The following FBF1 variants were observed in gnomAD, a reference collection of about 807,000 sequenced individuals.
The protein encoded by FBF1 is fas-binding factor 1.
FBF1 carries 119 observed loss-of-function variants against 147.2 expected under a neutral mutation model. The ratio of observed to expected loss-of-function variants is 0.81; its 90% confidence interval spans 0.70 to 0.94. The LOEUF is 0.94. Ranked by LOEUF, FBF1 falls within the 40% of genes least tolerant of loss-of-function variation. The pLI, the probability that FBF1 is intolerant of heterozygous loss-of-function variation, is 0.00. For missense variants in FBF1, 1,449 were observed against 1,500.8 expected, an observed-to-expected ratio of 0.97 and a Z score of 0.57; for synonymous variants, 601 against 609.0, an observed-to-expected ratio of 0.99 and a Z score of 0.19.
At chr17:75,932,925 G>A (rs559600279) in intron 5 of FBF1, 70 bp downstream of exon 5, 5 of 1,007,046 alleles carry the variant, frequency 5.0e-6, no homozygotes, top group African/African-American at 3.3e-5. Flanking sequence ...AGTAGAAAGT[G>A]GGGGGTGGAG....
In FBF1 at chr17:75,918,869, C is replaced by G. The variant is rs1255589660; in HGVS notation, c.2139-600G>C. Among the ~76,000 whole-genome samples the G allele has an allele frequency of 4.0e-5, 6 of 150,920 alleles. No homozygotes were observed. Among genetic ancestry groups the G allele is most frequent in the Admixed American group, 6.6e-5 (1 of 15,072 alleles). On this transcript the variant is annotated intron_variant, in intron 20 of 29. Transcript: ENST00000636174. The surrounding 1 kb of genome is among the most constrained non-coding windows in gnomAD (Gnocchi z 5.8). ...TGTTGCCCAGGCTGGTCTTGAACTC[C>G]TAGCCTCAAGCAATCCTCCTGCCTT...
Position 75,910,683 on chromosome 17 carries a change from G to T in FBF1, c.*40C>A. 1 of 1,562,610 alleles carries T rather than the reference G, an allele frequency of 6.4e-7. No homozygotes were observed. The highest frequency in any genetic ancestry group is 8.7e-7 in the Non-Finnish European group (1 of 1,147,230). ...CAGCCGGAGGAACAGGACAGTTCTG[G>T]GGTCCGAACCCTCTGTTGGGGAATC... On this transcript the variant is annotated 3_prime_UTR_variant, in exon 30 of 30. Transcript: ENST00000636174. This position sits in a 1 kb window ranked among gnomAD's most constrained non-coding sequence, Gnocchi z 4.1.
intron 1 of FBF1, among the ~76,000 whole-genome samples, chr17:75,940,243 C>A (rs1266452878): frequency 7.2e-6 from 1 of 139,298 alleles, no homozygotes; most frequent in Non-Finnish European, 1.6e-5. Flanking sequence ...GCCTGGCCTT[C>A]TTTCTTTTTT....
rs1342519843 is a variant in FBF1 at position 75,938,129 on chromosome 17, A to C, written c.3+18T>G. On this transcript the variant is annotated intron_variant, in intron 2 of 29. Transcript: ENST00000636174. ...GGCATGTTCGCTTTCCATGCATCTTACTCTGAACTCTGCCTACCATCTCAC... is the reference window on the plus strand; with the variant it reads ...GGCATGTTCGCTTTCCATGCATCTTCCTCTGAACTCTGCCTACCATCTCAC... 5.6e-6 allele frequency: 9 copies of C among 1,611,018 alleles called. No homozygotes were observed. Among genetic ancestry groups the C allele is most frequent in the Non-Finnish European group, 5.9e-6 (7 of 1,179,328 alleles).
chr17:75,924,281 G>A (rs181998558), intron 13 of FBF1, among the ~76,000 whole-genome samples: 2 of 152,254 alleles, frequency 1.3e-5, no homozygotes, highest in African/African-American at 4.8e-5. Context: ...TCATTTGTTC[G>A]GCCGTGGCCT....
chr17:75,920,085 C>G lies in FBF1; in HGVS notation c.1853G>C (p.Arg618Pro). 6.3e-7 allele frequency: 1 copy of G among 1,587,874 alleles called. No individual in the cohort carries two copies. Among genetic ancestry groups the G allele is most frequent in the Non-Finnish European group, 8.6e-7 (1 of 1,167,876 alleles). Residue 618 changes from arginine to proline, a missense_variant, in exon 19 of 30, where the codon CGG becomes CCG. Transcript: ENST00000636174. Reference protein sequence around the residue: ...EAQVRKLELERAQHELLLGSL... With the variant: ...EAQVRKLELEPAQHELLLGSL... ...CCCCAGCAGCAGCTCATGCTGGGCCCGTTCTAGCTCCAGCTTCCGCACCTG... is the reference window on the plus strand; with the variant it reads ...CCCCAGCAGCAGCTCATGCTGGGCCGGTTCTAGCTCCAGCTTCCGCACCTG...
chr17:75,937,958 A>C, intron 2 of FBF1, 189 bp downstream of exon 2: 1 of 790,132 alleles, frequency 1.3e-6, no homozygotes, highest in South Asian at 1.7e-5. Flanking sequence ...CTGGACACTC[A>C]GAGTCTCAGA....
chr17:75,938,197 C>T lies in FBF1; in HGVS notation c.-48G>A, dbSNP rs1362509087. On this transcript the variant is annotated 5_prime_UTR_variant, in exon 2 of 30. Coordinates refer to ENST00000636174, the MANE Select transcript of FBF1 (RefSeq NM_001319193.2). Reference sequence around the variant, plus strand: ...TCAGCTCCTTCACAGCACTGGCCAGCTCATCTGGATTCTGCCCACATCAGG... The same window carrying T: ...TCAGCTCCTTCACAGCACTGGCCAGTTCATCTGGATTCTGCCCACATCAGG... The T allele has an allele frequency of 6.2e-7, 1 of 1,613,144 alleles. No individual in the cohort carries two copies. Among genetic ancestry groups the T allele is most frequent in the East Asian group, 2.2e-5 (1 of 44,874 alleles).
chr17:75,930,472 C>G (rs1447460257), intron 6 of FBF1, among the ~76,000 whole-genome samples: 1 of 152,172 alleles, frequency 6.6e-6, no homozygotes, highest in Non-Finnish European at 1.5e-5. Flanking sequence ...CTCGGCAGCC[C>G]TTGGGCATTA....
intron 7 of FBF1, 52 bp downstream of exon 7, chr17:75,929,945 A>AGGGGGGCCCCCCCCC: frequency 4.6e-6 from 3 of 650,882 alleles, no homozygotes; most frequent in Non-Finnish European, 5.6e-6. Context: ...AAATATCATG[A>AGGGGGGCCCCCCCCC]CCCCACCCCA....
At chr17:75,927,565 G>A (rs534308955) in intron 8 of FBF1, 33 bp from the exon 9 acceptor site, 2 of 1,567,254 alleles carry the variant, frequency 1.3e-6, no homozygotes, top group African/African-American at 2.7e-5. Flanking sequence ...TCATGGGCCT[G>A]AGTCTCTCCT....
chr17:75,925,116 C>T lies in FBF1; in HGVS notation c.968+231G>A, dbSNP rs2065551821. Among the ~76,000 whole-genome samples, 1 of 152,222 alleles carries T rather than the reference C, an allele frequency of 6.6e-6. No homozygotes were observed. Among genetic ancestry groups the T allele is most frequent in the Non-Finnish European group, 1.5e-5 (1 of 68,042 alleles). Reference sequence around the variant, plus strand: ...GAGGCTGGGTGGGGCACTGGCGAACCTGAGCAGCGTCTGGGATGGGGGTTC... The same window carrying T: ...GAGGCTGGGTGGGGCACTGGCGAACTTGAGCAGCGTCTGGGATGGGGGTTC... On this transcript the variant is annotated intron_variant, in intron 13 of 29. Transcript: ENST00000636174. This position sits in a 1 kb window ranked among gnomAD's most constrained non-coding sequence, Gnocchi z 5.0.
Position 75,926,836 on chromosome 17 carries a change from C to G in FBF1, c.517G>C (p.Gly173Arg), listed in dbSNP as rs1448000854. ...ACAGGCGGCTGCTTGGTGATTCCTC[C>G]TTCATCATAGGAGAGAAGTCCTCTC... ...PLRGLLSYDE[G>R]GITKQPPVTQ... The change falls in exon 10 of 30, where the codon GGA becomes CGA. Residue 173 changes from glycine (G) to arginine (R), a missense_variant. By Grantham distance (125) the Gly-to-Arg change is moderately radical. Transcript: ENST00000636174. 1 of 1,613,662 alleles carries G rather than the reference C, an allele frequency of 6.2e-7. No homozygotes were observed. The highest frequency in any genetic ancestry group is 8.5e-7 in the Non-Finnish European group (1 of 1,179,768).
rs1348743204 is a variant in FBF1 at position 75,923,680 on chromosome 17, G to A, written c.969-39C>T. The A allele has an allele frequency of 2.6e-6, 4 of 1,522,094 alleles. No homozygotes were observed. In the African/African-American group the frequency reaches 5.5e-5, roughly 21 times the overall value. The allele number at this position is 1,522,094 out of a possible 1,614,324, so 94.3% of individuals were successfully genotyped here. Reference sequence around the variant, plus strand: ...AGGAGGGTGTCAGGCAGGGGAAACAGCCAGTCCCAGTGGCCCCCTAGCAGC... The same window carrying A: ...AGGAGGGTGTCAGGCAGGGGAAACAACCAGTCCCAGTGGCCCCCTAGCAGC... On this transcript the variant is annotated intron_variant, in intron 13 of 29. Transcript: ENST00000636174. This position sits in a 1 kb window ranked among gnomAD's most constrained non-coding sequence, Gnocchi z 4.1.
rs765060227 is a variant in FBF1 at position 75,921,992 on chromosome 17, A to C, written c.1479T>G (p.Ser493=). Residue 493 remains serine, a synonymous_variant, in exon 15 of 30, where the codon TCT becomes TCG. Transcript: ENST00000636174. ...GLEHAAAGGS[S]GTTARERPCV... is the part of the protein sequence containing the mutation. ...ACGGTCTTTCTCGTGCAGTTGTTCCAGAACTCCCTCCAGCAGCTGCGTGCT... is the reference window on the plus strand; with the variant it reads ...ACGGTCTTTCTCGTGCAGTTGTTCCCGAACTCCCTCCAGCAGCTGCGTGCT... 1.5e-5 allele frequency: 24 copies of C among 1,551,748 alleles called. No individual in the cohort carries two copies. Among genetic ancestry groups the C allele is most frequent in the Non-Finnish European group, 2.1e-5 (24 of 1,147,018 alleles).
chr17:75,929,122 C>A (rs1245432222), intron 7 of FBF1, among the ~76,000 whole-genome samples: 3 of 151,920 alleles, frequency 2.0e-5, no homozygotes, highest in African/African-American at 7.2e-5. Flanking sequence ...TCCCAAAGTT[C>A]TGGGATTACA....
rs2065501130 is a variant in FBF1, at chr17:75,918,171, G to A, written c.2237C>T (p.Ser746Phe). Reference protein sequence around the residue: ...REVDAATSATSHTRSLNSIIH... With the variant: ...REVDAATSATFHTRSLNSIIH... ...GGGGCAGCGCACATACCGCGTGTGGGAGGTGGCACTGGTGGCCGCATCGAC... is the reference window on the plus strand; with the variant it reads ...GGGGCAGCGCACATACCGCGTGTGGAAGGTGGCACTGGTGGCCGCATCGAC... The change falls in exon 21 of 30, where the codon TCC becomes TTC. Residue 746 changes from serine to phenylalanine, a missense_variant. Physicochemically the swap from Ser to Phe is radical, Grantham distance 155 (BLOSUM62 -2). Coordinates refer to ENST00000636174, the MANE Select transcript of FBF1 (RefSeq NM_001319193.2). This position sits in a 1 kb window ranked among gnomAD's most constrained non-coding sequence, Gnocchi z 5.8. 1 of 1,613,376 alleles carries A rather than the reference G, an allele frequency of 6.2e-7. No individual in the cohort carries two copies.
intron 5 of FBF1, 75 bp downstream of exon 5, chr17:75,932,920 A>T: frequency 1.0e-6 from 1 of 985,110 alleles, no homozygotes; most frequent in Non-Finnish European, 1.5e-6. Context: ...TGTGAAGTAG[A>T]AAGTGGGGGG....
intron 1 of FBF1, among the ~76,000 whole-genome samples, chr17:75,940,359 C>A (rs1468095223): frequency 4.6e-5 from 7 of 151,532 alleles, no homozygotes; most frequent in African/African-American, 1.7e-4. Flanking sequence ...CTCAGGCGAT[C>A]CTCCAATGTC....
Sources: allele counts gnomAD v4.1 joint callset (sites outside exome capture counted in the v4.1 genomes callset), GRCh38; gene constraint gnomAD v4.1.1; non-coding constraint Gnocchi (gnomAD v3.1); transcripts MANE v1.5; gene names NCBI Gene and HGNC (gene_info 2026-07-23, HGNC 2026-07-21).